The following CUX1 variants were observed in gnomAD, a reference collection of about 807,000 sequenced individuals.
CUX1 encodes cut like homeobox 1.
In CUX1, 31 loss-of-function variants were observed where a neutral mutation model predicts 158.8. The observed-to-expected ratio is 0.20, with a 90% CI of 0.15 to 0.26. CUX1 has a LOEUF of 0.26. Among genes scored for constraint, CUX1 ranks in the 10% least tolerant of loss-of-function variants. The pLI is 1.00. For missense variants in CUX1, 1,589 were observed against 2,014.6 expected, an observed-to-expected ratio of 0.79 and a Z score of 4.04; for synonymous variants, 879 against 862.1, an observed-to-expected ratio of 1.02 and a Z score of -0.34.
chr7:101,913,354 G>A, intron 1 of CUX1: 1 of 1,264,228 alleles, frequency 7.9e-7, no homozygotes, highest in Non-Finnish European at 1.0e-6. Flanking sequence ...GCACGGGGAA[G>A]GGAGGGCCGC....
At chr7:101,826,312 C>T (rs1490286751) in intron 1 of CUX1, among the ~76,000 whole-genome samples, 1 of 152,022 alleles carries the variant, frequency 6.6e-6, no homozygotes, top group African/African-American at 2.4e-5. Context: ...AATCCTTCCA[C>T]CTCAGCCTCC....
chr7:101,878,414 G>A (rs1419608758), intron 1 of CUX1, among the ~76,000 whole-genome samples: 1 of 152,230 alleles, frequency 6.6e-6, no homozygotes, highest in Non-Finnish European at 1.5e-5. Context: ...GTTAGTTTGA[G>A]AAACTGAAGT....
At chr7:102,114,860 G>A (rs1294817875) in intron 7 of CUX1, among the ~76,000 whole-genome samples, 10 of 150,720 alleles carry the variant, frequency 6.6e-5, no homozygotes, top group African/African-American at 2.2e-4. Flanking sequence ...CAGCCTGGGT[G>A]ACAGAGTGAG....
Position 102,158,544 on chromosome 7 carries a change from C to T in CUX1, c.675-16C>T. The T allele has an allele frequency of 2.5e-6, 4 of 1,613,874 alleles. No homozygotes were observed. Among genetic ancestry groups the T allele is most frequent in the Non-Finnish European group, 3.4e-6 (4 of 1,179,878 alleles). Reference sequence around the variant, plus strand: ...CTCCTTGTGACTAACCTGCTCTCTCCCTCTCACCCTCCTAGGGCCGACGAG... The same window carrying T: ...CTCCTTGTGACTAACCTGCTCTCTCTCTCTCACCCTCCTAGGGCCGACGAG... On this transcript the variant is annotated splice_polypyrimidine_tract_variant and intron_variant, in intron 8 of 23. Transcript: ENST00000292535.
intron 19 of CUX1, among the ~76,000 whole-genome samples, chr7:102,280,481 C>T (rs1456769094): frequency 6.6e-6 from 1 of 152,190 alleles, no homozygotes; most frequent in Non-Finnish European, 1.5e-5. Context: ...CAGAATCGGG[C>T]GATCCATTGT....
chr7:101,984,090 A>AAAATATATG (rs1563091502), intron 2 of CUX1, among the ~76,000 whole-genome samples: 1 of 35,008 alleles, frequency 2.9e-5, no homozygotes. Flanking sequence ...AAAAAAAAAA[A>AAAATATATG]TATATATATA....
At chr7:102,084,374 T>C (rs1455910985) in intron 4 of CUX1, among the ~76,000 whole-genome samples, 1 of 150,108 alleles carries the variant, frequency 6.7e-6, no homozygotes, top group African/African-American at 2.4e-5. Context: ...AGAAATTTTT[T>C]TGAAGTTTTC....
At chr7:101,977,423 T>G (rs1812853305) in intron 2 of CUX1, among the ~76,000 whole-genome samples, 1 of 152,148 alleles carries the variant, frequency 6.6e-6, no homozygotes, top group Non-Finnish European at 1.5e-5. Flanking sequence ...AATACCATTA[T>G]TTTTAAATAA....
chr7:102,066,263 A>G (rs569598575), intron 3 of CUX1, among the ~76,000 whole-genome samples: 3 of 152,076 alleles, frequency 2.0e-5, no homozygotes, highest in African/African-American at 7.2e-5. Context: ...ACCTGTCTAC[A>G]TGTCTGTTTC....
intron 1 of CUX1, among the ~76,000 whole-genome samples, chr7:101,904,839 G>A (rs1802577469): frequency 6.6e-6 from 1 of 152,184 alleles, no homozygotes; most frequent in East Asian, 1.9e-4. Flanking sequence ...AAAGTGCTGG[G>A]ATTACAGGCG....
intron 10 of CUX1, among the ~76,000 whole-genome samples, chr7:102,170,909 G>T (rs555611848): frequency 4.1e-4 from 62 of 151,918 alleles, no homozygotes; most frequent in African/African-American, 1.2e-3. Flanking sequence ...AGAATGACAC[G>T]GAGAAATTGA....
chr7:102,158,725 A>G, intron 9 of CUX1, 117 bp downstream of exon 9: 1 of 916,162 alleles, frequency 1.1e-6, no homozygotes, highest in Non-Finnish European at 1.8e-6. Context: ...TTTTACTGAC[A>G]GCTTTCAACG....
chr7:102,102,266 T>G (rs1829856512), intron 5 of CUX1, among the ~76,000 whole-genome samples: 1 of 150,640 alleles, frequency 6.6e-6, no homozygotes, highest in African/African-American at 2.4e-5. Flanking sequence ...AAAAGAGCCT[T>G]TCACACAAAA....
chr7:102,010,864 A>ACAGG (rs1817919216), intron 2 of CUX1, among the ~76,000 whole-genome samples: 1 of 152,140 alleles, frequency 6.6e-6, no homozygotes, highest in Non-Finnish European at 1.5e-5. Context: ...TAGTCCCAGC[A>ACAGG]CATTGGGAGG....
At position 102,067,734 on chromosome 7, in the gene CUX1, C is replaced by T. The variant is rs377190011; in HGVS notation, c.190-2605C>T. Among the ~76,000 whole-genome samples the T allele has an allele frequency of 1.8e-4, 27 of 151,848 alleles. 2 individuals are homozygous for T. In the East Asian group the frequency reaches 5.1e-3, roughly 29 times the overall value. ...GGTTATTTTAAAAACAAGGCATGGTCTTGTCATATTAATAGTCCTTGTAGG... is the reference window on the plus strand; with the variant it reads ...GGTTATTTTAAAAACAAGGCATGGTTTTGTCATATTAATAGTCCTTGTAGG... On this transcript the variant is annotated intron_variant, in intron 3 of 23. Transcript: ENST00000292535.
chr7:102,259,769 G>A (rs1267781106), downstream of CUX1, among the ~76,000 whole-genome samples: 3 of 141,838 alleles, frequency 2.1e-5, no homozygotes, highest in Admixed American at 7.0e-5. Flanking sequence ...AAAGAAAAGA[G>A]AAAGGAAGGA....
chr7:102,102,793 G>A (rs894267975), intron 5 of CUX1, among the ~76,000 whole-genome samples: 3 of 152,194 alleles, frequency 2.0e-5, no homozygotes, highest in Non-Finnish European at 4.4e-5. Context: ...TCTCTTGGGG[G>A]CTGGGGCCAC....
intron 4 of CUX1, among the ~76,000 whole-genome samples, chr7:102,095,087 C>T (rs1309281616): frequency 1.3e-5 from 2 of 152,028 alleles, no homozygotes; most frequent in African/African-American, 4.8e-5. Flanking sequence ...GCAACCTCGA[C>T]CTCAAGGGCT....
At chr7:102,234,988 A>G (rs1293754917) in intron 22 of CUX1, among the ~76,000 whole-genome samples, 2 of 152,092 alleles carry the variant, frequency 1.3e-5, no homozygotes, top group African/African-American at 2.4e-5. Context: ...GCCTCCACCA[A>G]GGTCACCCGG....
Sources: allele counts gnomAD v4.1 joint callset (sites outside exome capture counted in the v4.1 genomes callset), GRCh38; gene constraint gnomAD v4.1.1; transcripts MANE v1.5; gene names NCBI Gene and HGNC (gene_info 2026-07-23, HGNC 2026-07-21).